The following CPLX2 variants were observed in gnomAD, a reference collection of about 807,000 sequenced individuals.
CPLX2 encodes the protein complexin-2.
Under a neutral mutation model 16.3 loss-of-function variants are expected in CPLX2, and 5 were observed. That is an observed-to-expected ratio of 0.31 (90% CI 0.16 to 0.64). The LOEUF is 0.64. Ranked by LOEUF, CPLX2 falls within the 30% of genes least tolerant of loss-of-function variation. The probability of loss-of-function intolerance (pLI) is 0.79; values close to 1 mark genes in which losing one functional copy is unlikely to be tolerated. For missense variants in CPLX2, 144 were observed against 181.4 expected (o/e 0.79, Z 1.18); for synonymous variants, 89 against 73.2 (o/e 1.22, Z -1.10).
At chr5:175,878,460 T>C in intron 1 of CPLX2, 192 bp from the exon 2 acceptor site, 1 of 544,368 alleles carries the variant, frequency 1.8e-6, no homozygotes, top group Non-Finnish European at 3.2e-6. Flanking sequence ...AAAAGCTATT[T>C]GGCAGCACCT....
chr5:175,829,716 C>A lies in CPLX2; in HGVS notation c.-89+20648C>A, dbSNP rs546300882. 2.0e-5 allele frequency among the ~76,000 whole-genome samples: 3 copies of A among 152,324 alleles called. No homozygotes were observed. In the South Asian group the frequency reaches 6.2e-4, roughly 32 times the overall value. On this transcript the variant is annotated intron_variant, in intron 2 of 4. Coordinates refer to the CPLX2 transcript ENST00000359546. ...TGATATGACCCTGTAATGTGGAGAG[C>A]AGAAGACCCACTGCACAAATGAAGA...
intron 2 of CPLX2, among the ~76,000 whole-genome samples, chr5:175,823,560 T>C (rs1758552019): frequency 6.6e-6 from 1 of 152,218 alleles, no homozygotes; most frequent in Admixed American, 6.5e-5. Flanking sequence ...CTCAAGTTGT[T>C]GATAGATGAA....
At position 175,877,297 on chromosome 5, in the gene CPLX2, C is replaced by T. The variant is rs577518898; in HGVS notation, c.-88-1355C>T. Among the ~76,000 whole-genome samples the T allele has an allele frequency of 1.4e-3, 209 of 151,068 alleles. 3 individuals carry two copies. The highest frequency in any genetic ancestry group is 4.2e-3 in the African/African-American group (173 of 41,052). On this transcript the variant is annotated intron_variant, in intron 1 of 3. Transcript: ENST00000393745. Reference sequence around the variant, plus strand: ...CCTATCAGATGAGATGGTCTGATCACGTAGATAAGCTCTTGGGCCCCATAT... The same window carrying T: ...CCTATCAGATGAGATGGTCTGATCATGTAGATAAGCTCTTGGGCCCCATAT...
chr5:175,881,599 GC>G lies in CPLX2; in HGVS notation c.*1555del, dbSNP rs1192172507. On this transcript the variant is annotated 3_prime_UTR_variant, in exon 4 of 4. Transcript: ENST00000393745. ...TGGGGGTCTGAAAAGACAGTTGTGTGCATGGATGTGTGCGTGGGGAGAAAGA... is the reference window on the plus strand; with the variant it reads ...TGGGGGTCTGAAAAGACAGTTGTGTGATGGATGTGTGCGTGGGGAGAAAGA... 1 of 152,908 alleles carries G rather than the reference GC, an allele frequency of 6.5e-6. No individual in the cohort carries two copies. The highest frequency in any genetic ancestry group is 1.5e-5 in the Non-Finnish European group (1 of 68,104). The allele number at this position is 152,908 out of a possible 1,614,324, so 9.5% of individuals were successfully genotyped here. A position where few individuals can be genotyped will look rare whatever the true frequency, so the allele number is the denominator to read the frequency against.
intron 2 of CPLX2, among the ~76,000 whole-genome samples, chr5:175,856,766 C>T (rs887806381): frequency 3.9e-5 from 6 of 151,944 alleles, no homozygotes; most frequent in African/African-American, 1.2e-4. Flanking sequence ...GCAGGGCCTG[C>T]GCACAGCGGG....
At chr5:175,825,766 C>A (rs901524300) in intron 2 of CPLX2, among the ~76,000 whole-genome samples, 11 of 151,932 alleles carry the variant, frequency 7.2e-5, no homozygotes, top group African/African-American at 2.4e-4. Context: ...CTCCTGGAAA[C>A]TCCGTTGATT....
At chr5:175,824,616 C>G (rs1435489549) in intron 2 of CPLX2, among the ~76,000 whole-genome samples, 1 of 152,220 alleles carries the variant, frequency 6.6e-6, no homozygotes, top group Non-Finnish European at 1.5e-5. Flanking sequence ...ACCTGAAAGT[C>G]AAGAGGAGGG....
At chr5:175,799,176 A>C (rs1561766169) in intron 1 of CPLX2, among the ~76,000 whole-genome samples, 1 of 152,236 alleles carries the variant, frequency 6.6e-6, no homozygotes, top group Non-Finnish European at 1.5e-5. Context: ...CTAAAGACAA[A>C]TCAAACTCTA....
At chr5:175,808,468 T>C (rs140236553) in intron 1 of CPLX2, among the ~76,000 whole-genome samples, 3 of 151,872 alleles carry the variant, frequency 2.0e-5, no homozygotes, top group East Asian at 1.9e-4. Context: ...GGAGCTATAG[T>C]GTAAAAAAAA....
At chr5:175,864,059 C>G (rs1759421990) in intron 2 of CPLX2, among the ~76,000 whole-genome samples, 1 of 152,138 alleles carries the variant, frequency 6.6e-6, no homozygotes, top group Non-Finnish European at 1.5e-5. Flanking sequence ...GAAGAGAATG[C>G]TATGCCTTGC....
chr5:175,799,552 A>ATATATTTT (rs1561766335), intron 1 of CPLX2, among the ~76,000 whole-genome samples: 5 of 133,350 alleles, frequency 3.7e-5, no homozygotes, highest in Non-Finnish European at 7.9e-5. Context: ...ATATATATAT[A>ATATATTTT]TATATATATA....
chr5:175,854,507 A>C (rs1026961039), intron 2 of CPLX2, among the ~76,000 whole-genome samples: 1 of 152,238 alleles, frequency 6.6e-6, no homozygotes, highest in Admixed American at 6.5e-5. Flanking sequence ...AGTACAATTG[A>C]TGTAAGGATG....
intron 2 of CPLX2, among the ~76,000 whole-genome samples, chr5:175,810,636 A>T (rs1240216184): frequency 6.6e-6 from 1 of 152,204 alleles, no homozygotes; most frequent in Non-Finnish European, 1.5e-5. Context: ...AAAAGCACCC[A>T]TCTATCTCCA....
chr5:175,841,235 C>T (rs1486165670), intron 2 of CPLX2, among the ~76,000 whole-genome samples: 1 of 152,202 alleles, frequency 6.6e-6, no homozygotes, highest in Non-Finnish European at 1.5e-5. Context: ...CCCACACCAC[C>T]ACATACATCC....
chr5:175,811,275 G>C (rs17065511), intron 2 of CPLX2, among the ~76,000 whole-genome samples: 46,249 of 152,088 alleles, frequency 0.3, 8,307 homozygotes, highest in East Asian at 0.7. Context: ...GAAAAGTCTT[G>C]AGAAGCAAAC....
At chr5:175,856,085 T>C (rs1384507095) in intron 2 of CPLX2, among the ~76,000 whole-genome samples, 1 of 152,070 alleles carries the variant, frequency 6.6e-6, no homozygotes, top group Non-Finnish European at 1.5e-5. Context: ...AGAGAGCAAA[T>C]TCTTGGACTA....
intron 2 of CPLX2, among the ~76,000 whole-genome samples, chr5:175,812,131 T>A (rs960761035): frequency 6.6e-6 from 1 of 151,982 alleles, no homozygotes; most frequent in African/African-American, 2.4e-5. Context: ...TCTAGACTTA[T>A]GTCAGGCAGT....
chr5:175,800,155 C>A lies in CPLX2; in HGVS notation c.-169+3371C>A, dbSNP rs531329678. On this transcript the variant is annotated intron_variant, in intron 1 of 4. Transcript: ENST00000359546. Reference sequence around the variant, plus strand: ...TGCCTTTTGAGAACATAAATTCTCCCCATTACTGATGAAATGTGATGGCCA... The same window carrying A: ...TGCCTTTTGAGAACATAAATTCTCCACATTACTGATGAAATGTGATGGCCA... Among the ~76,000 whole-genome samples the A allele has an allele frequency of 2.0e-5, 3 of 152,122 alleles. No individual in the cohort carries two copies. The South Asian group carries it at 6.2e-4, about 32-fold the overall frequency.
intron 1 of CPLX2, among the ~76,000 whole-genome samples, chr5:175,797,246 G>T (rs925655225): frequency 6.6e-6 from 1 of 152,186 alleles, no homozygotes; most frequent in Non-Finnish European, 1.5e-5. Flanking sequence ...GCGTGAGGCC[G>T]CATCGATCGG....
Sources: gnomAD v4.1 joint callset for allele counts (sites outside exome capture counted in the v4.1 genomes callset) on GRCh38, gnomAD v4.1.1 for gene constraint, MANE v1.5 for transcripts, NCBI Gene and HGNC (gene_info 2026-07-23, HGNC 2026-07-21) for gene names.